The following WNT5A variants were observed in gnomAD, a reference collection of about 807,000 sequenced individuals.
WNT5A encodes the protein Wnt family member 5A, also known as protein Wnt-5a.
A neutral mutation model predicts 42.1 loss-of-function variants in WNT5A; 9 were observed. The ratio of observed to expected loss-of-function variants is 0.21; its 90% CI spans 0.13 to 0.37. WNT5A has a LOEUF of 0.37. WNT5A is among the 10% of genes least tolerant of loss of function. The pLI, the probability that WNT5A is intolerant of heterozygous loss-of-function variation, is 1.00. For synonymous variants in WNT5A, 210 were observed against 210.0 expected (o/e 1.00, Z 0.00); for missense variants, 426 against 534.0 (o/e 0.80, Z 1.99).
intron 3 of WNT5A, 29 bp from the exon 4 acceptor site, chr3:55,474,658 C>T (rs374389381): frequency 8.0e-6 from 10 of 1,244,410 alleles, no homozygotes; most frequent in African/African-American, 1.8e-5. Context: ...GATCACTGGC[C>T]GCCTGCCTCA....
At chr3:55,495,157 T>C (rs2051702553), upstream of WNT5A, among the ~76,000 whole-genome samples, 1 of 152,234 alleles carries the variant, frequency 6.6e-6, no homozygotes, top group African/African-American at 2.4e-5. Context: ...TTATAACATA[T>C]CCATTACCTC....
At chr3:55,486,916 GT>G in intron 1 of WNT5A, 63 bp downstream of exon 1, 1 of 1,267,978 alleles carries the variant, frequency 7.9e-7, no homozygotes, top group Non-Finnish European at 1.2e-6. Flanking sequence ...AGGGAACTCA[GT>G]TAACTTCCAA....
At chr3:55,494,837 G>A (rs897995321), upstream of WNT5A, among the ~76,000 whole-genome samples, 3 of 152,076 alleles carry the variant, frequency 2.0e-5, no homozygotes, top group African/African-American at 4.8e-5. Context: ...GCACCAGACC[G>A]CCATTACTTT....
the WNT5A span, among the ~76,000 whole-genome samples, chr3:55,499,439 G>C: frequency 6.6e-6 from 1 of 152,208 alleles, no homozygotes; most frequent in Non-Finnish European, 1.5e-5. Context: ...TGCAGCCTGT[G>C]ACCTACACCT....
the WNT5A span, among the ~76,000 whole-genome samples, chr3:55,500,801 T>A: frequency 2.0e-5 from 3 of 152,242 alleles, no homozygotes; most frequent in African/African-American, 7.2e-5. Flanking sequence ...AGAGATTTCA[T>A]AGTGATGACA....
In WNT5A at chr3:55,486,996, AG is replaced by A. The variant is rs2051590038; in HGVS notation, c.-12del. On this transcript the variant is annotated 5_prime_UTR_variant, in exon 1 of 5. Transcript: ENST00000264634. Reference sequence around the variant, plus strand: ...AACACCTACCTTCATGGCGAGGGGGAGGGGGCGCGGGGAGGAAGTCGCCACC... The same window carrying A: ...AACACCTACCTTCATGGCGAGGGGGAGGGGCGCGGGGAGGAAGTCGCCACC... 1.9e-6 allele frequency: 3 copies of A among 1,569,580 alleles called. No homozygotes were observed. The highest frequency in any genetic ancestry group is 8.7e-7 in the Non-Finnish European group (1 of 1,153,980).
rs766305460 is a variant in WNT5A at position 55,480,767 on chromosome 3, C to A, written c.140+18G>T. ...AAAGAAAAAGAAGAGGAAGAACACG[C>A]ACATAGAATGAACTTACCACCAAGA... On this transcript the variant is annotated intron_variant, in intron 2 of 4. Coordinates refer to ENST00000264634, the MANE Select transcript of WNT5A (RefSeq NM_003392.7). 1.6e-5 allele frequency: 24 copies of A among 1,528,064 alleles called. No homozygotes were observed. The highest frequency in any genetic ancestry group is 3.4e-4 in the Middle Eastern group (2 of 5,844). 94.7% of individuals were successfully genotyped at this position (1,528,064 alleles called of 1,614,324 possible).
At chr3:55,472,714 A>G (rs1211162814) in intron 4 of WNT5A, among the ~76,000 whole-genome samples, 1 of 152,194 alleles carries the variant, frequency 6.6e-6, no homozygotes, top group East Asian at 1.9e-4. Flanking sequence ...CCTTCCCCGG[A>G]ACACCCAAAT....
At position 55,470,223 on chromosome 3, in the gene WNT5A, T is replaced by C. The variant is rs2051220744; in HGVS notation, c.1012A>G (p.Met338Val). ...TSEGMDGCEL[M>V]CCGRGYDQFK... ...TGGTCGTAGCCACGGCCGCAGCACA[T>C]GAGCTCGCAGCCATCCATGCCCTCC... The change falls in exon 5 of 5, where the codon ATG (methionine) becomes GTG (valine). Residue 338 changes from methionine (M) to valine (V), a missense_variant. This residue lies in a region of WNT5A where 358 missense variants were observed against 468.1 expected (regional missense o/e 0.76). Transcript: ENST00000264634. The C allele has an allele frequency of 6.2e-7, 1 of 1,613,348 alleles. No homozygotes were observed. Among genetic ancestry groups the C allele is most frequent in the South Asian group, 1.1e-5 (1 of 91,070 alleles).
At chr3:55,502,752 C>A in the WNT5A span, among the ~76,000 whole-genome samples, 45 of 152,292 alleles carry the variant, frequency 3.0e-4, no homozygotes, top group African/African-American at 1.0e-3. Flanking sequence ...ACCACGGCTA[C>A]GGATTTTGGA....
At chr3:55,497,029 G>T in the WNT5A span, among the ~76,000 whole-genome samples, 1 of 152,066 alleles carries the variant, frequency 6.6e-6, no homozygotes, top group Non-Finnish European at 1.5e-5. Flanking sequence ...AAGCATTTAC[G>T]GCCCACCCAT....
At chr3:55,491,689 G>A (rs915154108), upstream of WNT5A, among the ~76,000 whole-genome samples, 1 of 152,214 alleles carries the variant, frequency 6.6e-6, no homozygotes, top group East Asian at 1.9e-4. Flanking sequence ...ATGATCTGCT[G>A]TAGAAAGCGG....
chr3:55,470,156 T>C lies in WNT5A; in HGVS notation c.1079A>G (p.His360Arg). 6.2e-7 allele frequency: 1 copy of C among 1,614,138 alleles called. No individual in the cohort carries two copies. The highest frequency in any genetic ancestry group is 8.5e-7 in the Non-Finnish European group (1 of 1,179,984). The change falls in exon 5 of 5, where the codon CAC becomes CGC. Residue 360 changes from histidine to arginine, a missense_variant. His to Arg is a conservative substitution (Grantham distance 29). Coordinates refer to ENST00000264634, the MANE Select transcript of WNT5A (RefSeq NM_003392.7). ...VQTERCHCKF[H>R]WCCYVKCKKC... ...CTTGCACTTGACGTAGCAGCACCAGTGGAACTTGCAGTGGCAGCGCTCCGT... is the reference window on the plus strand; with the variant it reads ...CTTGCACTTGACGTAGCAGCACCAGCGGAACTTGCAGTGGCAGCGCTCCGT...
chr3:55,504,705 C>T, the WNT5A span, among the ~76,000 whole-genome samples: 1 of 152,210 alleles, frequency 6.6e-6, no homozygotes, highest in Non-Finnish European at 1.5e-5. Context: ...CTCAGGTGAT[C>T]TGCCCACCTC....
the WNT5A span, among the ~76,000 whole-genome samples, chr3:55,502,020 A>G: frequency 6.6e-6 from 1 of 152,252 alleles, no homozygotes; most frequent in Admixed American, 6.5e-5. Flanking sequence ...GAGGGCAACA[A>G]CCCCTTTACA....
upstream of WNT5A, among the ~76,000 whole-genome samples, chr3:55,492,296 TGTGA>T (rs552325448): frequency 1.2e-4 from 19 of 152,238 alleles, no homozygotes; most frequent in African/African-American, 4.6e-4. Context: ...GTCAGATGGA[TGTGA>T]GTCTGAATCC....
At chr3:55,472,821 A>G (rs1559553000) in intron 4 of WNT5A, among the ~76,000 whole-genome samples, 1 of 152,212 alleles carries the variant, frequency 6.6e-6, no homozygotes, top group Non-Finnish European at 1.5e-5. Flanking sequence ...AGAAGTTATC[A>G]TCTATCAAGC....
At chr3:55,482,222 T>G (rs1166554403) in intron 1 of WNT5A, among the ~76,000 whole-genome samples, 1 of 152,190 alleles carries the variant, frequency 6.6e-6, no homozygotes, top group Non-Finnish European at 1.5e-5. Context: ...CGGCGAAGGT[T>G]CCCTTCCTGA....
chr3:55,489,064 G>A (rs1442748875), upstream of WNT5A: 1 of 152,196 alleles, frequency 6.6e-6, no homozygotes, highest in Non-Finnish European at 1.5e-5. Flanking sequence ...CTCAGGTGAG[G>A]AGATTGCGAA....
Sources: allele counts gnomAD v4.1 joint callset (sites outside exome capture counted in the v4.1 genomes callset), GRCh38; gene constraint gnomAD v4.1.1; regional missense constraint gnomAD v4.1.1; transcripts MANE v1.5; gene names NCBI Gene and HGNC (gene_info 2026-07-23, HGNC 2026-07-21).